Variants in GPR83 observed in about 807,000 individuals in gnomAD.
GPR83 encodes the protein G-protein coupled receptor 72.
A neutral mutation model predicts 28.0 loss-of-function variants in GPR83; 23 were observed. The observed-to-expected ratio is 0.82, with a 90% CI of 0.59 to 1.16. The LOEUF (loss-of-function observed/expected upper bound fraction) is 1.16, where lower values mean the gene tolerates loss of function less well. Ranked by LOEUF, GPR83 falls within the 50% of genes most tolerant of loss-of-function variation. The pLI is 0.00. For synonymous variants in GPR83, 234 were observed against 215.4 expected (o/e 1.09, Z -0.76); for missense variants, 610 against 536.6 (o/e 1.14, Z -1.35).
chr11:94,390,539 G>C (rs1044278605), intron 3 of GPR83, among the ~76,000 whole-genome samples: 4 of 152,178 alleles, frequency 2.6e-5, no homozygotes, highest in Admixed American at 2.0e-4. Flanking sequence ...AATTGTCTCT[G>C]TTTGCAGATG....
In GPR83 at chr11:94,391,737, C is replaced by T. The variant is rs574737170; in HGVS notation, c.647+1748G>A. ...ATTTGAAAAAATGCTTGTCATCACT[C>T]GTCATCAGAGAAATGCAAATCAAAA... On this transcript the variant is annotated intron_variant, in intron 3 of 3. Transcript: ENST00000243673. Among the ~76,000 whole-genome samples the T allele has an allele frequency of 7.2e-5, 11 of 152,206 alleles. No homozygotes were observed. The South Asian group carries it at 1.5e-3, about 20-fold the overall frequency.
In GPR83 at chr11:94,380,697, C is replaced by G. The variant is rs1944678605; in HGVS notation, c.724G>C (p.Ala242Pro). The G allele has an allele frequency of 6.2e-7, 1 of 1,613,354 alleles. No homozygotes were observed. Among genetic ancestry groups the G allele is most frequent in the Admixed American group, 1.7e-5 (1 of 59,986 alleles). The change falls in exon 4 of 4, where the codon GCC becomes CCC. Residue 242 changes from alanine (A) to proline (P), a missense_variant. Coordinates refer to ENST00000243673, the MANE Select transcript of GPR83 (RefSeq NM_016540.4). ...AGGATGTAGAGCAGGATGAAGGTGG[C>G]CAAGTCCAGGTACTTCCAGAAGAGG... Reference protein sequence around the residue: ...ADLFWKYLDLATFILLYILPL... With the variant: ...ADLFWKYLDLPTFILLYILPL...
chr11:94,389,177 G>T (rs1211142405), intron 3 of GPR83, among the ~76,000 whole-genome samples: 1 of 152,160 alleles, frequency 6.6e-6, no homozygotes, highest in East Asian at 1.9e-4. Context: ...ATTAATTCAA[G>T]ATGGATTAAA....
chr11:94,393,603 A>G lies in GPR83; in HGVS notation c.529T>C (p.Leu177=). The G allele has an allele frequency of 1.2e-6, 2 of 1,614,026 alleles. No individual in the cohort carries two copies. The highest frequency in any genetic ancestry group is 1.7e-6 in the Non-Finnish European group (2 of 1,179,920). The change falls in exon 3 of 4, where the codon TTG becomes CTG. Residue 177 remains leucine, a synonymous_variant. Coordinates refer to ENST00000243673, the MANE Select transcript of GPR83 (RefSeq NM_016540.4). ...TTTGTGATTGAGATCCGGGGTTTCA[A>G]GGGGTGCATGATGACCTGGAAAACA... ...VDRHQVIMHP[L]KPRISITKGV...
chr11:94,386,707 G>C (rs925978685), intron 3 of GPR83, among the ~76,000 whole-genome samples: 1 of 152,164 alleles, frequency 6.6e-6, no homozygotes, highest in Non-Finnish European at 1.5e-5. Flanking sequence ...AAGAGACTTA[G>C]ACTCCCACAC....
intron 3 of GPR83, among the ~76,000 whole-genome samples, chr11:94,381,476 T>C (rs1178628709): frequency 2.6e-5 from 4 of 151,982 alleles, no homozygotes; most frequent in Non-Finnish European, 5.9e-5. Flanking sequence ...CTAGAATTCC[T>C]GGAGGGGGCC....
chr11:94,396,409 T>C lies in GPR83; in HGVS notation c.503A>G (p.Asp168Gly), dbSNP rs2134696013. Residue 168 changes from aspartate (D) to glycine (G), a missense_variant, in exon 2 of 4, where the codon GAT becomes GGT. Coordinates refer to ENST00000243673, the MANE Select transcript of GPR83 (RefSeq NM_016540.4). The stretch of plus-strand genomic sequence containing the variant: ...GGTAGGTGCCCTCACCTGGTGGCGA[T>C]CCACCGCAATGGCTGTCAGTGTCAG... ...SALTLTAIAV[D>G]RHQVIMHPLK... The C allele has an allele frequency of 6.2e-7, 1 of 1,613,610 alleles. No homozygotes were observed.
intron 3 of GPR83, among the ~76,000 whole-genome samples, chr11:94,383,548 T>C (rs1944715338): frequency 6.6e-6 from 1 of 152,162 alleles, no homozygotes; most frequent in Non-Finnish European, 1.5e-5. Context: ...AACCAGGAGC[T>C]GGTTTTTTGA....
Position 94,401,183 on chromosome 11 carries a change from C to A in GPR83, c.65G>T (p.Gly22Val). 1 of 1,613,602 alleles carries A rather than the reference C, an allele frequency of 6.2e-7. No individual in the cohort carries two copies. The highest frequency in any genetic ancestry group is 8.5e-7 in the Non-Finnish European group (1 of 1,179,786). ...CTCCGCGCTCTGCTCGTCGGCCCGGCCCTCGTGGGGCTCGGTGGCTCGCAC... is the reference window on the plus strand; with the variant it reads ...CTCCGCGCTCTGCTCGTCGGCCCGGACCTCGTGGGGCTCGGTGGCTCGCAC... ...PLVRATEPHE[G>V]RADEQSAEAA... The change falls in exon 1 of 4, where the codon GGC becomes GTC. Residue 22 changes from glycine (G) to valine (V), a missense_variant. Gly to Val is a moderately radical substitution (Grantham distance 109). Transcript: ENST00000243673.
At position 94,377,836 on chromosome 11, in the gene GPR83, C is replaced by A. The variant is rs763010020; in HGVS notation, c.*2313G>T. On this transcript the variant is annotated 3_prime_UTR_variant, in exon 4 of 4. Coordinates refer to ENST00000243673, the MANE Select transcript of GPR83 (RefSeq NM_016540.4). ...GTGTATTCAATGCATTTTCAACTTC[C>A]AATATTTTGGACTTACGATGGGTTT... 6.6e-6 allele frequency: 1 copy of A among 152,064 alleles called. No individual in the cohort carries two copies. Among genetic ancestry groups the A allele is most frequent in the Non-Finnish European group, 1.5e-5 (1 of 68,002 alleles). The allele number at this position is 152,064 out of a possible 1,614,324, so 9.4% of individuals were successfully genotyped here.
chr11:94,399,323 G>T (rs1342884093), intron 1 of GPR83, among the ~76,000 whole-genome samples: 1 of 152,226 alleles, frequency 6.6e-6, no homozygotes, highest in African/African-American at 2.4e-5. Flanking sequence ...GTTAGACGTA[G>T]GCTGAAAGGA....
At chr11:94,392,697 G>A (rs1280849462) in intron 3 of GPR83, among the ~76,000 whole-genome samples, 10 of 151,978 alleles carry the variant, frequency 6.6e-5, no homozygotes, top group African/African-American at 1.7e-4. Flanking sequence ...ATGATGGTGC[G>A]TGCCTGTAAT....
chr11:94,385,282 T>C (rs1035288559), intron 3 of GPR83, among the ~76,000 whole-genome samples: 2 of 152,016 alleles, frequency 1.3e-5, no homozygotes, highest in African/African-American at 4.8e-5. Context: ...ATTCTAAAAA[T>C]CAGAGCACCT....
chr11:94,377,481 A>G lies in GPR83; in HGVS notation c.*2668T>C, dbSNP rs1447912686. 7.9e-5 allele frequency: 12 copies of G among 152,228 alleles called. No homozygotes were observed. The highest frequency in any genetic ancestry group is 2.4e-4 in the African/African-American group (10 of 41,458). The allele number at this position is 152,228 out of a possible 1,614,324, so 9.4% of individuals were successfully genotyped here. A position where few individuals can be genotyped will look rare whatever the true frequency, so the allele number is the denominator to read the frequency against. ...GGGGAAGGGACAGATCTAATGAGCC[A>G]TCAGTGGGTTCTCCCCAGAGTAAAA... On this transcript the variant is annotated 3_prime_UTR_variant, in exon 4 of 4. Coordinates refer to ENST00000243673, the MANE Select transcript of GPR83 (RefSeq NM_016540.4).
chr11:94,396,724 C>A (rs895562764), intron 1 of GPR83, among the ~76,000 whole-genome samples, 200 bp from the exon 2 acceptor site: 1 of 152,154 alleles, frequency 6.6e-6, no homozygotes, highest in Non-Finnish European at 1.5e-5. Context: ...AAACCCTGAT[C>A]ATGCTTCTGG....
At chr11:94,395,995 G>A (rs569435277) in intron 2 of GPR83, among the ~76,000 whole-genome samples, 7 of 152,310 alleles carry the variant, frequency 4.6e-5, no homozygotes, top group African/African-American at 9.6e-5. Context: ...TGAGGCGGGT[G>A]GATCACCTGA....
chr11:94,398,230 T>C (rs1054552286), intron 1 of GPR83, among the ~76,000 whole-genome samples: 2 of 152,096 alleles, frequency 1.3e-5, no homozygotes, highest in Non-Finnish European at 2.9e-5. Context: ...CTAACCACAA[T>C]CATATTGTTG....
chr11:94,399,742 C>T (rs1944894235), intron 1 of GPR83, among the ~76,000 whole-genome samples: 2 of 152,164 alleles, frequency 1.3e-5, no homozygotes, highest in South Asian at 4.1e-4. Context: ...TTAGTAATCA[C>T]TCAAATGACA....
At position 94,386,379 on chromosome 11, in the gene GPR83, C is replaced by T. The variant is rs187708881; in HGVS notation, c.648-5606G>A. Among the ~76,000 whole-genome samples the T allele has an allele frequency of 2.7e-4, 41 of 152,256 alleles. No individual in the cohort carries two copies. In the East Asian group the frequency reaches 6.4e-3, roughly 24 times the overall value. On this transcript the variant is annotated intron_variant, in intron 3 of 3. Transcript: ENST00000243673. ...ACCTTAAATGTAAATGGGCTAAATG[C>T]TCCAATTAAAAGACACAGCCTGGCA... is the stretch of plus-strand genomic sequence containing the variant.
Sources: gnomAD v4.1 joint callset for allele counts (sites outside exome capture counted in the v4.1 genomes callset) on GRCh38, gnomAD v4.1.1 for gene constraint, MANE v1.5 for transcripts, NCBI Gene and HGNC (gene_info 2026-07-23, HGNC 2026-07-21) for gene names.